The following SYNJ2 variants were observed in gnomAD, a reference collection of about 807,000 sequenced individuals.
SYNJ2 encodes the protein polyphosphatidylinositol phosphatase SYNJ2.
SYNJ2 carries 116 observed loss-of-function variants against 141.3 expected under a neutral mutation model. The ratio of observed to expected loss-of-function variants is 0.82; its 90% CI spans 0.71 to 0.96. The LOEUF (loss-of-function observed/expected upper bound fraction) is 0.96. Ranked by LOEUF, SYNJ2 falls within the 40% of genes least tolerant of loss-of-function variation. SYNJ2 has a pLI of 0.00. For missense variants in SYNJ2, 1,873 were observed against 1,934.8 expected, an observed-to-expected ratio of 0.97 and a Z score of 0.60; for synonymous variants, 745 against 777.7, an observed-to-expected ratio of 0.96 and a Z score of 0.70.
intron 6 of SYNJ2, among the ~76,000 whole-genome samples, chr6:158,055,288 G>A (rs1448231885): frequency 6.6e-6 from 1 of 152,186 alleles, no homozygotes; most frequent in African/African-American, 2.4e-5. Flanking sequence ...TTCTTGCAAT[G>A]AGGCTTCATC....
intron 4 of SYNJ2, among the ~76,000 whole-genome samples, chr6:158,041,262 C>G (rs1035110862): frequency 6.6e-6 from 1 of 152,202 alleles, no homozygotes. Context: ...CCCACTTTCT[C>G]TCCTGCTTCC....
intron 1 of SYNJ2, among the ~76,000 whole-genome samples, chr6:158,014,569 A>G (rs1305355490): frequency 6.6e-6 from 1 of 152,250 alleles, no homozygotes; most frequent in East Asian, 1.9e-4. Flanking sequence ...CTACGCTGGT[A>G]ATCAGTCCTG....
chr6:158,056,328 T>C (rs1215693475), intron 6 of SYNJ2, among the ~76,000 whole-genome samples: 1 of 152,228 alleles, frequency 6.6e-6, no homozygotes, highest in Admixed American at 6.5e-5. Context: ...CCCCAGAGGC[T>C]GCCTTGCCCC....
At chr6:158,017,330 C>G in intron 2 of SYNJ2, 40 bp downstream of exon 2, 1 of 1,585,598 alleles carries the variant, frequency 6.3e-7, no homozygotes, top group Middle Eastern at 1.8e-4. Context: ...GCCAGGCTCC[C>G]CGGTGGGCAG....
Position 158,059,343 on chromosome 6 carries a change from G to A in SYNJ2, c.944G>A (p.Arg315Lys). Residue 315 changes from arginine (R) to lysine (K), a missense_variant, in exon 7 of 27, where the codon AGA becomes AAA. Arg to Lys is a conservative substitution (Grantham distance 26). Coordinates refer to ENST00000355585, the MANE Select transcript of SYNJ2 (RefSeq NM_003898.4). ...GSRGGEEVLN[R>K]AFKKLLWASC... ...AGAGGCGGAGAGGAGGTGCTCAACA[G>A]AGCCTTCAAGGTAAGGCCAGGCTGT... The A allele has an allele frequency of 6.5e-7, 1 of 1,550,348 alleles. No homozygotes were observed. Among genetic ancestry groups the A allele is most frequent in the South Asian group, 1.2e-5 (1 of 84,036 alleles).
chr6:158,026,770 C>T, intron 2 of SYNJ2: 1 of 959,008 alleles, frequency 1.0e-6, no homozygotes, highest in Non-Finnish European at 1.2e-6. Context: ...CAGGGGCCAT[C>T]CTCCTGCCTC....
intron 18 of SYNJ2, among the ~76,000 whole-genome samples, 183 bp from the exon 19 acceptor site, chr6:158,080,926 C>A (rs1391400420): frequency 6.6e-6 from 1 of 152,230 alleles, no homozygotes; most frequent in Non-Finnish European, 1.5e-5. Flanking sequence ...GCAAATCCAC[C>A]TGCTGGTGGC....
chr6:158,076,807 A>G, intron 17 of SYNJ2, 25 bp downstream of exon 17: 1 of 1,593,042 alleles, frequency 6.3e-7, no homozygotes, highest in South Asian at 1.1e-5. Context: ...CCCGTTCGAG[A>G]GTCGGCAGAG....
chr6:158,091,069 G>A (rs1783412617), intron 25 of SYNJ2, among the ~76,000 whole-genome samples: 1 of 151,802 alleles, frequency 6.6e-6, no homozygotes, highest in Non-Finnish European at 1.5e-5. Context: ...TGTAATCCCA[G>A]CACTTTGGGA....
intron 2 of SYNJ2, 90 bp downstream of exon 2, chr6:158,017,380 G>T (rs2128327780): frequency 9.9e-5 from 106 of 1,073,680 alleles, no homozygotes; most frequent in Non-Finnish European, 1.1e-4. Flanking sequence ...CAGGCATTCT[G>T]TTTGACCGCT....
intron 1 of SYNJ2, among the ~76,000 whole-genome samples, chr6:158,000,064 CTTTTTTTTTTTTTTTTTT>C (rs58284240): frequency 2.1e-4 from 18 of 85,600 alleles, no homozygotes; most frequent in Admixed American, 5.5e-4. Context: ...AGCCAAAAGG[CTTTTTTTTTTTTTTTTTT>C]TTTTTTTTTT....
chr6:158,066,827 A>C, intron 12 of SYNJ2, 192 bp downstream of exon 12: 2 of 650,524 alleles, frequency 3.1e-6, no homozygotes, highest in Middle Eastern at 8.3e-4. Context: ...TTCCTTTCCC[A>C]GATGTTTAGA....
At position 157,982,519 on chromosome 6, in the gene SYNJ2, A is replaced by G. The variant is rs1468382465; in HGVS notation, c.127+431A>G. On this transcript the variant is annotated intron_variant, in intron 1 of 26. Coordinates refer to ENST00000355585, the MANE Select transcript of SYNJ2 (RefSeq NM_003898.4). This position sits in a 1 kb window ranked among gnomAD's most constrained non-coding sequence, Gnocchi z 4.0. ...CACTCCTGGAGGGGATGGGGACAAA[A>G]GCCCCAAAACATAGGCTCTGGAGAA... 6.6e-6 allele frequency among the ~76,000 whole-genome samples: 1 copy of G among 152,224 alleles called. No individual in the cohort carries two copies. Among genetic ancestry groups the G allele is most frequent in the Non-Finnish European group, 1.5e-5 (1 of 68,024 alleles).
intron 4 of SYNJ2, among the ~76,000 whole-genome samples, chr6:158,034,506 A>G (rs973093389): frequency 6.6e-6 from 1 of 152,106 alleles, no homozygotes; most frequent in African/African-American, 2.4e-5. Flanking sequence ...TTGAGCACCT[A>G]CCTTTACTGT....
chr6:158,056,489 G>T (rs1023579007), intron 6 of SYNJ2, among the ~76,000 whole-genome samples: 5 of 152,230 alleles, frequency 3.3e-5, no homozygotes, highest in Non-Finnish European at 5.9e-5. Flanking sequence ...TGGGCTGGAG[G>T]CAGGAGCCCT....
intron 1 of SYNJ2, among the ~76,000 whole-genome samples, chr6:157,993,990 AT>A (rs1777553656): frequency 6.7e-6 from 1 of 149,970 alleles, no homozygotes. Flanking sequence ...AATTTTTTGT[AT>A]TTTTTAGTAG....
intron 22 of SYNJ2, among the ~76,000 whole-genome samples, chr6:158,086,110 C>T (rs972990275): frequency 2.6e-5 from 4 of 152,110 alleles, no homozygotes; most frequent in African/African-American, 7.2e-5. Flanking sequence ...CAGCCATTCC[C>T]ATTTGTAGGA....
intron 2 of SYNJ2, chr6:158,017,602 G>T: frequency 2.5e-6 from 1 of 405,896 alleles, no homozygotes; most frequent in South Asian, 2.0e-5. Context: ...TTTTAGTAGA[G>T]ACGGGGTTTT....
chr6:158,067,925 A>G (rs1781663883), intron 12 of SYNJ2: 6 of 985,084 alleles, frequency 6.1e-6, no homozygotes, highest in Admixed American at 6.2e-5. Flanking sequence ...CCGTCCCTCC[A>G]GTCCCCACGA....
Sources: gnomAD v4.1 joint callset for allele counts (sites outside exome capture counted in the v4.1 genomes callset) on GRCh38, gnomAD v4.1.1 for gene constraint, Gnocchi (gnomAD v3.1) non-coding constraint, MANE v1.5 for transcripts, NCBI Gene and HGNC (gene_info 2026-07-23, HGNC 2026-07-21) for gene names.